The following CAMKMT variants were observed in gnomAD, a reference collection of about 807,000 sequenced individuals.
CAMKMT encodes the protein CaM KMT.
CAMKMT carries 53 observed loss-of-function variants against 48.0 expected under a neutral mutation model. The ratio of observed to expected loss-of-function variants is 1.10; its 90% CI spans 0.89 to 1.39. CAMKMT has a LOEUF of 1.39. Ranked by LOEUF, CAMKMT falls within the 40% of genes most tolerant of loss-of-function variation. The pLI, the probability that CAMKMT is intolerant of heterozygous loss-of-function variation, is 0.00. For synonymous variants in CAMKMT, 165 were observed against 152.3 expected (o/e 1.08, Z -0.61); for missense variants, 428 against 402.7 (o/e 1.06, Z -0.54).
intron 3 of CAMKMT, among the ~76,000 whole-genome samples, chr2:44,455,355 G>T (rs1475722589): frequency 6.6e-6 from 1 of 152,082 alleles, no homozygotes; most frequent in Non-Finnish European, 1.5e-5. Flanking sequence ...CTTTCTGCTT[G>T]CCCTTTGAAC....
At chr2:44,542,924 A>G (rs956948034) in intron 3 of CAMKMT, among the ~76,000 whole-genome samples, 3 of 152,206 alleles carry the variant, frequency 2.0e-5, no homozygotes, top group Non-Finnish European at 4.4e-5. Flanking sequence ...TAGAGAGCTT[A>G]GACTTTACTT....
intron 3 of CAMKMT, among the ~76,000 whole-genome samples, chr2:44,597,330 A>G (rs751026568): frequency 7.2e-5 from 11 of 152,214 alleles, no homozygotes; most frequent in Non-Finnish European, 1.0e-4. Context: ...CCATACTTCC[A>G]TTTTGGTTTA....
At chr2:44,396,994 G>A (rs1224788501) in intron 3 of CAMKMT, among the ~76,000 whole-genome samples, 1 of 150,330 alleles carries the variant, frequency 6.7e-6, no homozygotes, top group African/African-American at 2.5e-5. Context: ...AGGAGGCGAA[G>A]GTTGCAGTGA....
chr2:44,433,491 G>C (rs1007295808), intron 3 of CAMKMT, among the ~76,000 whole-genome samples: 1 of 152,090 alleles, frequency 6.6e-6, no homozygotes, highest in Non-Finnish European at 1.5e-5. Context: ...TTTGTAGCCA[G>C]AATGTTTCTT....
chr2:44,370,957 G>A (rs923292019), intron 1 of CAMKMT, among the ~76,000 whole-genome samples: 1 of 151,994 alleles, frequency 6.6e-6, no homozygotes, highest in African/African-American at 2.4e-5. Flanking sequence ...ACTACAGGCA[G>A]ACACCACCAC....
chr2:44,661,106 T>G (rs1449346819), intron 3 of CAMKMT, among the ~76,000 whole-genome samples: 1 of 152,170 alleles, frequency 6.6e-6, no homozygotes, highest in African/African-American at 2.4e-5. Context: ...TGTATCATCT[T>G]TATACCATTC....
chr2:44,547,820 T>C lies in CAMKMT; in HGVS notation c.377-156463T>C, dbSNP rs1558693659. ...CATTACTTCTCTCTTTCCTTATCTC[T>C]AACGGCCTAAATTTGGTTAATTATA... On this transcript the variant is annotated intron_variant, in intron 3 of 10. Transcript: ENST00000378494. 2.0e-5 allele frequency among the ~76,000 whole-genome samples: 3 copies of C among 152,324 alleles called. No homozygotes were observed. The East Asian group carries it at 5.8e-4, about 29-fold the overall frequency.
At chr2:44,527,199 C>G (rs1446872413) in intron 3 of CAMKMT, among the ~76,000 whole-genome samples, 1 of 147,046 alleles carries the variant, frequency 6.8e-6, no homozygotes, top group East Asian at 2.0e-4. Flanking sequence ...CTCCAGTGAT[C>G]CTCCCATCTC....
intron 3 of CAMKMT, among the ~76,000 whole-genome samples, chr2:44,558,858 A>G (rs115372782): frequency 8.3e-4 from 126 of 152,272 alleles, no homozygotes; most frequent in African/African-American, 2.9e-3. Flanking sequence ...TGATGGGATT[A>G]TTCGTACACC....
At chr2:44,491,042 T>C (rs1243112881) in intron 3 of CAMKMT, among the ~76,000 whole-genome samples, 1 of 151,548 alleles carries the variant, frequency 6.6e-6, no homozygotes, top group Non-Finnish European at 1.5e-5. Flanking sequence ...TCTCAGCTAC[T>C]TGGGAGGCGG....
intron 3 of CAMKMT, among the ~76,000 whole-genome samples, chr2:44,471,919 G>C (rs1322586798): frequency 6.6e-6 from 1 of 152,028 alleles, no homozygotes; most frequent in African/African-American, 2.4e-5. Flanking sequence ...GACCTCAAGT[G>C]ATCCACCTGC....
At chr2:44,718,098 A>C (rs1235761428) in intron 7 of CAMKMT, among the ~76,000 whole-genome samples, 1 of 152,166 alleles carries the variant, frequency 6.6e-6, no homozygotes, top group Non-Finnish European at 1.5e-5. Flanking sequence ...ACACATTACT[A>C]GGGCTTGTCC....
At chr2:44,696,030 A>G (rs552976164) in intron 3 of CAMKMT, among the ~76,000 whole-genome samples, 2 of 152,056 alleles carry the variant, frequency 1.3e-5, no homozygotes, top group African/African-American at 4.8e-5. Flanking sequence ...GCAACCTCCA[A>G]CTCCCAGGTT....
chr2:44,365,241 T>A (rs1262035448), intron 1 of CAMKMT, among the ~76,000 whole-genome samples: 2 of 152,204 alleles, frequency 1.3e-5, no homozygotes, highest in African/African-American at 4.8e-5. Context: ...TGTCTTTCCA[T>A]TACCCTATAG....
chr2:44,464,490 A>T (rs1005814751), intron 3 of CAMKMT, among the ~76,000 whole-genome samples: 11 of 152,350 alleles, frequency 7.2e-5, no homozygotes, highest in African/African-American at 2.4e-4. Context: ...CAAAAAACTC[A>T]ACAGACTGTA....
At chr2:44,529,572 G>C (rs950476478) in intron 3 of CAMKMT, among the ~76,000 whole-genome samples, 1 of 152,078 alleles carries the variant, frequency 6.6e-6, no homozygotes, top group African/African-American at 2.4e-5. Flanking sequence ...ATGTACTTTG[G>C]GCTAGGGTTG....
chr2:44,513,283 A>G (rs959848109), intron 3 of CAMKMT, among the ~76,000 whole-genome samples: 2 of 143,200 alleles, frequency 1.4e-5, no homozygotes, highest in Non-Finnish European at 3.0e-5. Flanking sequence ...GGGCCAAAGG[A>G]GAGGGGGACT....
intron 3 of CAMKMT, among the ~76,000 whole-genome samples, chr2:44,422,702 T>C (rs1045217686): frequency 2.0e-5 from 3 of 152,184 alleles, no homozygotes; most frequent in Admixed American, 2.0e-4. Context: ...ATTTCTTTTT[T>C]TTTTTTTAAT....
intron 7 of CAMKMT, among the ~76,000 whole-genome samples, chr2:44,725,166 G>GTT (rs1678712380): frequency 6.6e-6 from 1 of 151,724 alleles, no homozygotes; most frequent in African/African-American, 2.4e-5. Flanking sequence ...GTGTGTGTGT[G>GTT]TGTGTGTGTG....
Sources: gnomAD v4.1 joint callset for allele counts (sites outside exome capture counted in the v4.1 genomes callset) on GRCh38, gnomAD v4.1.1 for gene constraint, MANE v1.5 for transcripts, NCBI Gene and HGNC (gene_info 2026-07-23, HGNC 2026-07-21) for gene names.